Variants in PDE12 observed in about 807,000 individuals in gnomAD.
PDE12 encodes the protein 2',5'-phosphodiesterase 12.
In PDE12, 26 loss-of-function variants were observed where a neutral mutation model predicts 45.4. The observed-to-expected ratio is 0.57, with a 90% CI of 0.42 to 0.79. The LOEUF (loss-of-function observed/expected upper bound fraction) is 0.79, where lower values mean the gene tolerates loss of function less well. PDE12 is among the 30% of genes least tolerant of loss of function. The pLI is 0.00. For missense variants in PDE12, 668 were observed against 790.0 expected, an observed-to-expected ratio of 0.85 and a Z score of 1.85; for synonymous variants, 283 against 323.9, an observed-to-expected ratio of 0.87 and a Z score of 1.36.
chr3:57,595,714 C>A, the PDE12 span, among the ~76,000 whole-genome samples: 3 of 152,228 alleles, frequency 2.0e-5, no homozygotes, highest in East Asian at 3.9e-4. Flanking sequence ...TCTGGGAAGC[C>A]TGGGTGGGTG....
At chr3:57,597,416 G>A in the PDE12 span, 5 of 307,468 alleles carry the variant, frequency 1.6e-5, no homozygotes, top group Non-Finnish European at 3.1e-5. Flanking sequence ...GGCGACTCCA[G>A]CAGCGGCCCG....
At position 57,564,825 on chromosome 3, in the gene PDE12, C is replaced by T. The variant is rs1456135329; in HGVS notation, c.*4821C>T. On this transcript the variant is annotated 3_prime_UTR_variant, in exon 3 of 3. Transcript: ENST00000311180. ...GGGACTACAGGTGCGCACCGCCACA[C>T]CTGGCTAATTTTTGTATATTTTATA... is the stretch of plus-strand genomic sequence containing the variant. 3 of 148,938 alleles carry T rather than the reference C, an allele frequency of 2.0e-5. No homozygotes were observed. Among genetic ancestry groups the T allele is most frequent in the Non-Finnish European group, 4.4e-5 (3 of 67,454 alleles). The allele number at this position is 148,938 out of a possible 1,614,324, so 9.2% of individuals were successfully genotyped here.
the PDE12 span, among the ~76,000 whole-genome samples, chr3:57,615,150 C>T: frequency 1.3e-5 from 2 of 151,906 alleles, no homozygotes; most frequent in Non-Finnish European, 2.9e-5. Flanking sequence ...TGAGCTCAGA[C>T]AGCTCGCCCC....
chr3:57,591,757 G>A, the PDE12 span, among the ~76,000 whole-genome samples: 7 of 152,198 alleles, frequency 4.6e-5, no homozygotes, highest in South Asian at 6.2e-4. Flanking sequence ...GAGCCACCGC[G>A]CCCGGCCATT....
the PDE12 span, among the ~76,000 whole-genome samples, chr3:57,647,373 C>T: frequency 6.6e-6 from 1 of 152,102 alleles, no homozygotes. Context: ...AGTCCTAAAG[C>T]AGAACATGGT....
the PDE12 span, among the ~76,000 whole-genome samples, chr3:57,610,398 G>A: frequency 6.6e-6 from 1 of 152,090 alleles, no homozygotes; most frequent in African/African-American, 2.4e-5. Context: ...AATCAGGCAG[G>A]AGAAATAAAT....
At chr3:57,573,330 C>A in the PDE12 span, among the ~76,000 whole-genome samples, 3 of 152,050 alleles carry the variant, frequency 2.0e-5, no homozygotes, top group African/African-American at 7.2e-5. Context: ...GGCAACGAAT[C>A]TTATCTCTAG....
chr3:57,633,108 T>C, the PDE12 span, among the ~76,000 whole-genome samples: 1 of 152,170 alleles, frequency 6.6e-6, no homozygotes, highest in African/African-American at 2.4e-5. Flanking sequence ...CTAGAACAGA[T>C]AATCCAGGTC....
At chr3:57,618,617 T>G in the PDE12 span, among the ~76,000 whole-genome samples, 1 of 126,882 alleles carries the variant, frequency 7.9e-6, no homozygotes, top group African/African-American at 2.6e-5. Flanking sequence ...GTTTTTTTTT[T>G]TTTTTTTTTT....
the PDE12 span, among the ~76,000 whole-genome samples, chr3:57,651,918 A>G: frequency 6.6e-6 from 1 of 152,118 alleles, no homozygotes; most frequent in African/African-American, 2.4e-5. Context: ...GTGATTTAAA[A>G]TATGTCCAGG....
chr3:57,645,410 G>A, the PDE12 span, among the ~76,000 whole-genome samples: 5 of 152,210 alleles, frequency 3.3e-5, no homozygotes, highest in East Asian at 5.8e-4. Flanking sequence ...GCAGTGAGCC[G>A]AGATCATGCC....
chr3:57,645,839 G>T, the PDE12 span: 86 of 949,520 alleles, frequency 9.1e-5, no homozygotes, highest in Non-Finnish European at 1.2e-4. Flanking sequence ...CTATACAAAC[G>T]GTATACACAC....
rs866620622 is a variant in PDE12, at chr3:57,565,599, C to A, written c.*5595C>A. The A allele has an allele frequency of 1.3e-5, 2 of 152,042 alleles. No homozygotes were observed. The highest frequency in any genetic ancestry group is 4.8e-5 in the African/African-American group (2 of 41,388). The allele number at this position is 152,042 out of a possible 1,614,324, so 9.4% of individuals were successfully genotyped here. On this transcript the variant is annotated 3_prime_UTR_variant, in exon 3 of 3. Coordinates refer to ENST00000311180, the MANE Select transcript of PDE12 (RefSeq NM_177966.7). Reference sequence around the variant, plus strand: ...AGGCCGGTGGATCATGAGGTCAGATCGAGACCATCCTGGCCAACATGGTGA... The same window carrying A: ...AGGCCGGTGGATCATGAGGTCAGATAGAGACCATCCTGGCCAACATGGTGA...
At position 57,562,096 on chromosome 3, in the gene PDE12, A is replaced by G. The variant is rs957702131; in HGVS notation, c.*2092A>G. On this transcript the variant is annotated 3_prime_UTR_variant, in exon 3 of 3. Coordinates refer to ENST00000311180, the MANE Select transcript of PDE12 (RefSeq NM_177966.7). Reference sequence around the variant, plus strand: ...AAATATGTTTTTGGGCTGTTTTCAAAGAAAGATGTTGATAGAACCCTTAGA... The same window carrying G: ...AAATATGTTTTTGGGCTGTTTTCAAGGAAAGATGTTGATAGAACCCTTAGA... 1.0e-6 allele frequency: 1 copy of G among 982,390 alleles called. No individual in the cohort carries two copies. Among genetic ancestry groups the G allele is most frequent in the African/African-American group, 1.8e-5 (1 of 57,140 alleles). The allele number at this position is 982,390 out of a possible 1,614,324, so 60.9% of individuals were successfully genotyped here.
the PDE12 span, chr3:57,577,308 T>C: frequency 6.2e-7 from 1 of 1,608,748 alleles, no homozygotes; most frequent in Admixed American, 1.7e-5. Flanking sequence ...TTAAAGTATA[T>C]TTCTTACCAT....
the PDE12 span, among the ~76,000 whole-genome samples, chr3:57,576,111 C>A: frequency 6.6e-6 from 1 of 152,086 alleles, no homozygotes; most frequent in African/African-American, 2.4e-5. Context: ...ACACAATTAT[C>A]TGGGTGTTGG....
chr3:57,634,782 G>C, the PDE12 span: 2 of 1,532,418 alleles, frequency 1.3e-6, no homozygotes, highest in Non-Finnish European at 1.8e-6. Flanking sequence ...GAAGGAAGCA[G>C]CATAAAGATT....
the PDE12 span, chr3:57,630,457 T>C: frequency 1.2e-5 from 19 of 1,596,416 alleles, no homozygotes; most frequent in Middle Eastern, 1.7e-4. Context: ...GTGCCTCCAA[T>C]TTTTGGGTCA....
the PDE12 span, among the ~76,000 whole-genome samples, chr3:57,650,700 T>C: frequency 6.6e-6 from 1 of 151,964 alleles, no homozygotes; most frequent in African/African-American, 2.4e-5. Context: ...GACAGTAGCA[T>C]TATTCATAAT....
Sources: allele counts gnomAD v4.1 joint callset (sites outside exome capture counted in the v4.1 genomes callset), GRCh38; gene constraint gnomAD v4.1.1; transcripts MANE v1.5; gene names NCBI Gene and HGNC (gene_info 2026-07-23, HGNC 2026-07-21).